Variants in SLC34A3 observed in about 807,000 individuals in gnomAD.
SLC34A3 encodes solute carrier family 34 member 3.
SLC34A3 carries 60 observed loss-of-function variants against 43.9 expected under a neutral mutation model. That is an observed-to-expected ratio of 1.37 (90% CI 1.11 to 1.70). SLC34A3 has a LOEUF of 1.70. Ranked by LOEUF, SLC34A3 falls within the 40% of genes most tolerant of loss-of-function variation. The pLI, the probability that SLC34A3 is intolerant of heterozygous loss-of-function variation, is 0.00. For missense variants in SLC34A3, 969 were observed against 823.8 expected (o/e 1.18, Z -2.16); for synonymous variants, 451 against 386.2 (o/e 1.17, Z -1.97).
At position 137,233,680 on chromosome 9, in the gene SLC34A3, C is replaced by T. The variant is rs368326629; in HGVS notation, c.804C>T (p.Asn268=). 1.2e-6 allele frequency: 2 copies of T among 1,612,788 alleles called. No homozygotes were observed. Among genetic ancestry groups the T allele is most frequent in the Non-Finnish European group, 1.7e-6 (2 of 1,179,972 alleles). The change falls in exon 8 of 13, where the codon AAC becomes AAT. Residue 268 remains asparagine (N), a synonymous_variant. Coordinates refer to ENST00000673835, the MANE Select transcript of SLC34A3 (RefSeq NM_001177316.2). ...GCAGTGCCACAGGCAACGCCACTAA[C>T]AGCAGTCTCATTAAGCACTGGTGCG... ...IMSSATGNAT[N]SSLIKHWCGT...
At position 137,236,187 on chromosome 9, in the gene SLC34A3, T is replaced by A. The variant is rs1262496601; in HGVS notation, c.1571T>A (p.Leu524Gln). ...LAAVGGPLVGLVLLVILVTVL... is the reference protein window; with the variant it reads ...LAAVGGPLVGQVLLVILVTVL... ...GCTGTCGGGGGTCCCCTGGTGGGGC[T>A]GGTGCTCCTCGTCATCCTGGTTACT... The change falls in exon 13 of 13, where the codon CTG becomes CAG. Residue 524 changes from leucine to glutamine, a missense_variant. Leu to Gln is a moderately radical substitution (Grantham distance 113). Transcript: ENST00000673835. 1 of 1,603,476 alleles carries A rather than the reference T, an allele frequency of 6.2e-7. No homozygotes were observed. The highest frequency in any genetic ancestry group is 8.5e-7 in the Non-Finnish European group (1 of 1,176,842).
chr9:137,233,779 T>TTTGCCC, intron 8 of SLC34A3, 57 bp downstream of exon 8: 1 of 1,445,818 alleles, frequency 6.9e-7, no homozygotes, highest in Non-Finnish European at 9.6e-7. Flanking sequence ...TGCTGAGTCA[T>TTTGCCC]CCCGCCCCAC....
At chr9:137,231,342 G>A (rs1395311351) in intron 1 of SLC34A3, among the ~76,000 whole-genome samples, 1 of 152,216 alleles carries the variant, frequency 6.6e-6, no homozygotes, top group South Asian at 2.1e-4. Context: ...CCAGATAGGG[G>A]AGGTCCCCAG....
At chr9:137,230,431 C>A (rs933547533), upstream of SLC34A3, among the ~76,000 whole-genome samples, 1 of 152,242 alleles carries the variant, frequency 6.6e-6, no homozygotes, top group Non-Finnish European at 1.5e-5. Context: ...CGTCCTCCCC[C>A]ACCACCTGGT....
chr9:137,235,895 G>T, intron 12 of SLC34A3, 57 bp from the exon 13 acceptor site: 1 of 1,548,964 alleles, frequency 6.5e-7, no homozygotes, highest in Non-Finnish European at 8.9e-7. Context: ...GGGGTCCGGG[G>T]CCCCTGGTGA....
rs1278663821 is a variant in SLC34A3, at chr9:137,232,104, G to A, written c.118G>A (p.Gly40Arg). The A allele has an allele frequency of 6.2e-7, 1 of 1,613,130 alleles. No individual in the cohort carries two copies. Among genetic ancestry groups the A allele is most frequent in the African/African-American group, 1.3e-5 (1 of 74,950 alleles). The change falls in exon 3 of 13, where the codon GGG becomes AGG. Residue 40 changes from glycine (G) to arginine (R), a missense_variant. By Grantham distance (125) the Gly-to-Arg change is moderately radical (BLOSUM62 -2). Transcript: ENST00000673835. ...TSSSAPVLEEGDTDPWTLPQL... is the reference protein window; with the variant it reads ...TSSSAPVLEERDTDPWTLPQL... Reference sequence around the variant, plus strand: ...CAGTTCTGCTCCAGTCTTGGAGGAAGGGGACACAGACCCCTGGACCCTCCC... The same window carrying A: ...CAGTTCTGCTCCAGTCTTGGAGGAAAGGGACACAGACCCCTGGACCCTCCC...
intron 8 of SLC34A3, 57 bp downstream of exon 8, chr9:137,233,779 T>TGGGGCCCCCCCCCCC: frequency 1.4e-6 from 2 of 1,445,810 alleles, no homozygotes; most frequent in Non-Finnish European, 1.9e-6. Flanking sequence ...TGCTGAGTCA[T>TGGGGCCCCCCCCCCC]CCCGCCCCAC....
chr9:137,234,155 C>G lies in SLC34A3; in HGVS notation c.972C>G (p.Gly324=). ...CGGAGCTCACGGACCTGGCCGTGGG[C>G]TGCATCCTGCTGGCCGGCTCCCTGC... ...AGTELTDLAV[G]CILLAGSLLV... is the part of the protein sequence containing the mutation. The change falls in exon 10 of 13, where the codon GGC becomes GGG. Residue 324 remains glycine (G), a synonymous_variant. Transcript: ENST00000673835. This position sits in a 1 kb window ranked among gnomAD's most constrained non-coding sequence, Gnocchi z 6.9. 1 of 1,600,756 alleles carries G rather than the reference C, an allele frequency of 6.2e-7. No individual in the cohort carries two copies. The highest frequency in any genetic ancestry group is 8.5e-7 in the Non-Finnish European group (1 of 1,177,802).
rs1187232558 is a variant in SLC34A3, at chr9:137,234,281, G to A, written c.1093+5G>A. The stretch of plus-strand genomic sequence containing the variant: ...TGAGGACAGTCATCAATGCGGGTGA[G>A]GGCGTGGGAGGAGGTGCGGTGGCCA... On this transcript the variant is annotated splice_donor_5th_base_variant and intron_variant, in intron 10 of 12. Coordinates refer to ENST00000673835, the MANE Select transcript of SLC34A3 (RefSeq NM_001177316.2). The surrounding 1 kb of genome is among the most constrained non-coding windows in gnomAD (Gnocchi z 6.9). 6.2e-7 allele frequency: 1 copy of A among 1,610,110 alleles called. No individual in the cohort carries two copies. The highest frequency in any genetic ancestry group is 8.5e-7 in the Non-Finnish European group (1 of 1,179,444).
intron 8 of SLC34A3, 41 bp from the exon 9 acceptor site, chr9:137,233,822 T>C (rs368764646): frequency 5.3e-6 from 6 of 1,134,396 alleles, no homozygotes; most frequent in Non-Finnish European, 7.3e-6. Context: ...GACCTCTGTC[T>C]GCCCACTGAG....
intron 1 of SLC34A3, among the ~76,000 whole-genome samples, chr9:137,231,409 G>A (rs1438882850): frequency 1.3e-5 from 2 of 152,202 alleles, no homozygotes; most frequent in Non-Finnish European, 2.9e-5. Context: ...GGACCAGCAA[G>A]GGAGCCGGGG....
rs766112890 is a variant in SLC34A3 at position 137,233,115 on chromosome 9, G to T, written c.560G>T (p.Arg187Met). 9 of 1,608,856 alleles carry T rather than the reference G, an allele frequency of 5.6e-6. No individual in the cohort carries two copies. Among genetic ancestry groups the T allele is most frequent in the Non-Finnish European group, 7.6e-6 (9 of 1,178,938 alleles). The change falls in exon 6 of 13, where the codon AGG becomes ATG. Residue 187 changes from arginine (R) to methionine (M), a missense_variant and splice_region_variant. By Grantham distance (91) the Arg-to-Met change is moderately conservative. Coordinates refer to ENST00000673835, the MANE Select transcript of SLC34A3 (RefSeq NM_001177316.2). ...TCAGGGGACCGGGATGAATTTCAGA[G>T]GTGAGTTGTGGGTGGAAGGGCTGGG... Reference protein sequence around the residue: ...AQSGDRDEFQRAFSGSAVHGI... With the variant: ...AQSGDRDEFQMAFSGSAVHGI...
At chr9:137,233,813 A>C (rs1836398429) in intron 8 of SLC34A3, 50 bp from the exon 9 acceptor site, 7 of 1,011,934 alleles carry the variant, frequency 6.9e-6, no homozygotes, top group African/African-American at 4.7e-5. Flanking sequence ...GAGCCCTCTG[A>C]CCTCTGTCTG....
rs759412716 is a variant in SLC34A3 at position 137,232,685 on chromosome 9, G to A, written c.286G>A (p.Ala96Thr). 57 of 1,612,774 alleles carry A rather than the reference G, an allele frequency of 3.5e-5. No individual in the cohort carries two copies. In the East Asian group the frequency reaches 7.6e-4, roughly 21 times the overall value. Residue 96 changes from alanine (A) to threonine (T), a missense_variant, in exon 4 of 13, where the codon GCC becomes ACC. By Grantham distance (58) the Ala-to-Thr change is moderately conservative (BLOSUM62 0). Transcript: ENST00000673835. ...CTGCTCTCTGGACGTCCTCAGCTCC[G>A]CCTTCCAGCTGCTGGGCAGTGAGTG... ...FICSLDVLSS[A>T]FQLLGSKVAG... is the part of the protein sequence containing the mutation.
chr9:137,233,322 G>A lies in SLC34A3; in HGVS notation c.674G>A (p.Gly225Asp). The A allele has an allele frequency of 6.2e-7, 1 of 1,601,768 alleles. No homozygotes were observed. Among genetic ancestry groups the A allele is most frequent in the Non-Finnish European group, 8.5e-7 (1 of 1,175,006 alleles). ...LLERLSELALGAASLTPRAQA... is the reference protein window; with the variant it reads ...LLERLSELALDAASLTPRAQA... ...GAGAGGCTAAGTGAGCTAGCCCTGG[G>A]TGCCGCCAGCCTGACACCCAGGGCG... The change falls in exon 7 of 13, where the codon GGT becomes GAT. Residue 225 changes from glycine (G) to aspartate (D), a missense_variant. Physicochemically the swap from Gly to Asp is moderately conservative, Grantham distance 94. Coordinates refer to ENST00000673835, the MANE Select transcript of SLC34A3 (RefSeq NM_001177316.2).
rs770737960 is a variant in SLC34A3 at position 137,233,994 on chromosome 9, G to A, written c.925+53G>A. On this transcript the variant is annotated intron_variant, in intron 9 of 12. Coordinates refer to ENST00000673835, the MANE Select transcript of SLC34A3 (RefSeq NM_001177316.2). ...TACACCCCCCACACTCCCCCTCACCGGCCCCTACATGGAGAGGAACAGCAC... is the reference window on the plus strand; with the variant it reads ...TACACCCCCCACACTCCCCCTCACCAGCCCCTACATGGAGAGGAACAGCAC... 17 of 930,716 alleles carry A rather than the reference G, an allele frequency of 1.8e-5. No individual in the cohort carries two copies. The highest frequency in any genetic ancestry group is 1.7e-4 in the South Asian group (6 of 34,416). The allele number at this position is 930,716 out of a possible 1,614,324, so 57.7% of individuals were successfully genotyped here.
In SLC34A3 at chr9:137,236,268, G is replaced by C; in HGVS notation, c.1652G>C (p.Trp551Ser). ...CCTGTCCGCCTGCGCTCCTGGGCCT[G>C]GCTCCCCGTCTGGCTCCATTCTCTG... ...WLPVRLRSWA[W>S]LPVWLHSLEP... Residue 551 changes from tryptophan to serine, a missense_variant, in exon 13 of 13, where the codon TGG (tryptophan) becomes TCG (serine). By Grantham distance (177) the Trp-to-Ser change is radical (BLOSUM62 -3). Coordinates refer to ENST00000673835, the MANE Select transcript of SLC34A3 (RefSeq NM_001177316.2). The C allele has an allele frequency of 6.5e-7, 1 of 1,543,716 alleles. No homozygotes were observed. Among genetic ancestry groups the C allele is most frequent in the South Asian group, 1.2e-5 (1 of 84,516 alleles).
upstream of SLC34A3, among the ~76,000 whole-genome samples, chr9:137,230,343 G>T (rs974402260): frequency 6.6e-6 from 1 of 152,160 alleles, no homozygotes; most frequent in Admixed American, 6.5e-5. Flanking sequence ...CAGCCTGCTG[G>T]GCCCAACCCT....
In SLC34A3 at chr9:137,233,699, T is replaced by C. The variant is rs1174348841; in HGVS notation, c.823T>C (p.Trp275Arg). 2.5e-6 allele frequency: 4 copies of C among 1,612,672 alleles called. No homozygotes were observed. The highest frequency in any genetic ancestry group is 3.4e-6 in the Non-Finnish European group (4 of 1,179,948). The part of the protein sequence containing the change: ...NATNSSLIKH[W>R]CGTTGQPTQE... ...CACTAACAGCAGTCTCATTAAGCAC[T>C]GGTGCGGCACCACGGGGCAGCCGGT... The change falls in exon 8 of 13, where the codon TGG becomes CGG. Residue 275 changes from tryptophan to arginine, a missense_variant. Physicochemically the swap from Trp to Arg is moderately radical, Grantham distance 101. Coordinates refer to ENST00000673835, the MANE Select transcript of SLC34A3 (RefSeq NM_001177316.2).
Sources: gnomAD v4.1 joint callset for allele counts (sites outside exome capture counted in the v4.1 genomes callset) on GRCh38, gnomAD v4.1.1 for gene constraint, Gnocchi (gnomAD v3.1) non-coding constraint, MANE v1.5 for transcripts, NCBI Gene and HGNC (gene_info 2026-07-23, HGNC 2026-07-21) for gene names.